Variants in KHDRBS1 observed in about 807,000 individuals in gnomAD.
KHDRBS1 encodes KH RNA binding domain containing, signal transduction associated 1.
Under a neutral mutation model 48.4 loss-of-function variants are expected in KHDRBS1, and 7 were observed. The ratio of observed to expected loss-of-function variants is 0.14; its 90% CI spans 0.08 to 0.27. KHDRBS1 has a LOEUF of 0.27. Ranked by LOEUF, KHDRBS1 falls within the 10% of genes least tolerant of loss-of-function variation. The pLI, the probability that KHDRBS1 is intolerant of heterozygous loss-of-function variation, is 1.00. For missense variants in KHDRBS1, 458 were observed against 601.2 expected, an observed-to-expected ratio of 0.76 and a Z score of 2.49; for synonymous variants, 241 against 235.8, an observed-to-expected ratio of 1.02 and a Z score of -0.20.
chr1:32,032,268 G>C (rs924547759), intron 3 of KHDRBS1, among the ~76,000 whole-genome samples: 1 of 152,168 alleles, frequency 6.6e-6, no homozygotes, highest in African/African-American at 2.4e-5. Flanking sequence ...TATTTGATGA[G>C]ATATTCCTGC....
At chr1:32,030,733 T>C (rs1639065555) in intron 2 of KHDRBS1, among the ~76,000 whole-genome samples, 1 of 152,172 alleles carries the variant, frequency 6.6e-6, no homozygotes, top group Non-Finnish European at 1.5e-5. Flanking sequence ...GTCAAAAGAC[T>C]AACCTGAAAT....
chr1:32,021,528 A>G (rs753435078), intron 1 of KHDRBS1, among the ~76,000 whole-genome samples: 2 of 152,182 alleles, frequency 1.3e-5, no homozygotes, highest in Non-Finnish European at 2.9e-5. Context: ...AAAAGATGAT[A>G]CCAACAGAAA....
chr1:32,038,641 C>G, intron 7 of KHDRBS1, 22 bp downstream of exon 7: 2 of 1,611,682 alleles, frequency 1.2e-6, no homozygotes, highest in Non-Finnish European at 1.7e-6. Flanking sequence ...AGTATAAGCA[C>G]TGTTTTTTGT....
intron 1 of KHDRBS1, among the ~76,000 whole-genome samples, chr1:32,017,095 C>T (rs1409442904): frequency 1.3e-5 from 2 of 151,730 alleles, no homozygotes; most frequent in Non-Finnish European, 2.9e-5. Flanking sequence ...CCGTCTCTAC[C>T]AAAAATACAA....
intron 8 of KHDRBS1, 90 bp downstream of exon 8, chr1:32,039,663 C>T (rs1639247420): frequency 1.3e-6 from 1 of 780,274 alleles, no homozygotes; most frequent in Non-Finnish European, 2.3e-6. Context: ...CAGACAAACA[C>T]ACCTACGGAT....
At chr1:32,031,418 T>C in intron 2 of KHDRBS1, 106 bp from the exon 3 acceptor site, 1 of 687,680 alleles carries the variant, frequency 1.5e-6, no homozygotes. Flanking sequence ...ATGGGAATGG[T>C]AATACTCTAC....
At chr1:32,051,275 T>A in intron 10 of KHDRBS1, among the ~76,000 whole-genome samples, 1 of 152,394 alleles carries the variant, frequency 6.6e-6, no homozygotes, top group Non-Finnish European at 1.5e-5. Context: ...CTTCATTGAA[T>A]GGTCTTGTCG....
intron 1 of KHDRBS1, 92 bp downstream of exon 1, chr1:32,014,469 G>T (rs1254063798): frequency 8.3e-7 from 1 of 1,209,526 alleles, no homozygotes; most frequent in East Asian, 3.2e-5. Flanking sequence ...GCCCCCTCGG[G>T]ACCGAGGCAG....
intron 10 of KHDRBS1, among the ~76,000 whole-genome samples, chr1:32,059,603 G>A (rs1237543199): frequency 1.3e-5 from 2 of 151,744 alleles, no homozygotes; most frequent in African/African-American, 4.8e-5. Flanking sequence ...ATGAGATCAA[G>A]CCCCTTCCCT....
At chr1:32,037,100 T>C in intron 5 of KHDRBS1, 57 bp downstream of exon 5, 1 of 1,576,592 alleles carries the variant, frequency 6.3e-7, no homozygotes, top group Non-Finnish European at 8.7e-7. Context: ...TAGTGTCATC[T>C]CTTTTAGTGG....
intron 10 of KHDRBS1, chr1:32,052,753 T>C (rs556176616): frequency 1.2e-4 from 19 of 152,322 alleles, no homozygotes; most frequent in African/African-American, 4.6e-4. Context: ...AGTCATGTTA[T>C]TACCGCATTT....
At chr1:32,020,975 A>G (rs976443782) in intron 1 of KHDRBS1, among the ~76,000 whole-genome samples, 1 of 152,182 alleles carries the variant, frequency 6.6e-6, no homozygotes, top group East Asian at 1.9e-4. Context: ...TTTTTTTTCC[A>G]TGAAACCTGT....
intron 4 of KHDRBS1, 82 bp downstream of exon 4, chr1:32,033,416 A>T: frequency 6.4e-7 from 1 of 1,564,728 alleles, no homozygotes; most frequent in Middle Eastern, 1.7e-4. Flanking sequence ...GTTCTTAACT[A>T]AGGTCTCTGC....
chr1:32,025,627 T>A (rs1041617627), intron 1 of KHDRBS1, among the ~76,000 whole-genome samples: 1 of 147,642 alleles, frequency 6.8e-6, no homozygotes, highest in Admixed American at 6.9e-5. Flanking sequence ...AAAGCTCGAG[T>A]AGCTTCTTAG....
chr1:32,056,999 G>T (rs1164362080), intron 10 of KHDRBS1, among the ~76,000 whole-genome samples: 2 of 152,066 alleles, frequency 1.3e-5, no homozygotes, highest in Non-Finnish European at 2.9e-5. Flanking sequence ...ACAAAGAAAA[G>T]AACAGGGTGC....
At chr1:32,034,290 C>T (rs1473412884) in intron 4 of KHDRBS1, among the ~76,000 whole-genome samples, 2 of 152,324 alleles carry the variant, frequency 1.3e-5, no homozygotes, top group South Asian at 2.1e-4. Flanking sequence ...GGGCCAGGCA[C>T]GGTGGCTCAC....
chr1:32,048,991 C>T (rs1251805056), intron 10 of KHDRBS1, among the ~76,000 whole-genome samples: 2 of 151,590 alleles, frequency 1.3e-5, no homozygotes, highest in East Asian at 3.9e-4. Context: ...TGTATGATTT[C>T]ATACAAATGA....
At chr1:32,015,509 T>G (rs1409256072) in intron 1 of KHDRBS1, among the ~76,000 whole-genome samples, 1 of 152,204 alleles carries the variant, frequency 6.6e-6, no homozygotes, top group Admixed American at 6.5e-5. Flanking sequence ...CACTGTAAGG[T>G]AAGGGATCTT....
chr1:32,021,521 A>G (rs568929826), intron 1 of KHDRBS1, among the ~76,000 whole-genome samples: 1 of 152,228 alleles, frequency 6.6e-6, no homozygotes, highest in South Asian at 2.1e-4. Context: ...TGATTCCAAA[A>G]GATGATACCA....
Sources: gnomAD v4.1 joint callset for allele counts (sites outside exome capture counted in the v4.1 genomes callset) on GRCh38, gnomAD v4.1.1 for gene constraint, MANE v1.5 for transcripts, NCBI Gene and HGNC (gene_info 2026-07-23, HGNC 2026-07-21) for gene names.